MYLK: variants seen among roughly 807,000 people sequenced by gnomAD.
MYLK encodes myosin light chain kinase.
Under a neutral mutation model 203.4 loss-of-function variants are expected in MYLK, and 106 were observed. The observed-to-expected ratio is 0.52, with a 90% CI of 0.45 to 0.61. The LOEUF is 0.61. MYLK is among the 20% of genes least tolerant of loss of function. The pLI is 0.00. For missense variants in MYLK, 2,072 were observed against 2,442.3 expected (o/e 0.85, Z 3.20); for synonymous variants, 867 against 959.5 (o/e 0.90, Z 1.78).
intron 4 of MYLK, among the ~76,000 whole-genome samples, chr3:123,779,960 G>A (rs1033301644): frequency 5.3e-5 from 8 of 152,182 alleles, no homozygotes; most frequent in Admixed American, 5.2e-4. Context: ...TACAGGGACA[G>A]TGTCTTGGTT....
chr3:123,819,795 T>C (rs1170481286), intron 3 of MYLK, among the ~76,000 whole-genome samples: 2 of 148,416 alleles, frequency 1.3e-5, no homozygotes, highest in Admixed American at 6.7e-5. Flanking sequence ...TCCTTTTTTT[T>C]TTTTTTTTTT....
intron 3 of MYLK, among the ~76,000 whole-genome samples, chr3:123,797,785 C>G (rs972759257): frequency 6.6e-6 from 1 of 152,200 alleles, no homozygotes; most frequent in Non-Finnish European, 1.5e-5. Context: ...AAGGTTTGAA[C>G]GAGAGTGTAT....
chr3:123,747,312 C>G (rs2063049812), intron 5 of MYLK, among the ~76,000 whole-genome samples: 1 of 152,132 alleles, frequency 6.6e-6, no homozygotes, highest in Admixed American at 6.5e-5. Flanking sequence ...GGCTGGCCCT[C>G]TCTCTCTCAC....
rs146428453 is a variant in MYLK, at chr3:123,764,536, C to T, written c.166-11998G>A. On this transcript the variant is annotated intron_variant, in intron 4 of 33. Transcript: ENST00000360304. ...AGTACACTGAGTGAGGGAAGACCAT[C>T]GCAGGGTGGGAAGGTAAGTTGGTTA... Among the ~76,000 whole-genome samples, 61 of 152,272 alleles carry T rather than the reference C, an allele frequency of 4.0e-4. No homozygotes were observed. In the East Asian group the frequency reaches 8.7e-3, roughly 22 times the overall value.
intron 3 of MYLK, among the ~76,000 whole-genome samples, chr3:123,829,639 G>T (rs369790750): frequency 6.6e-6 from 1 of 152,034 alleles, no homozygotes. Flanking sequence ...TTGCAATGAT[G>T]GATATGCTAA....
chr3:123,659,652 C>T (rs375085903), intron 23 of MYLK: 11 of 517,454 alleles, frequency 2.1e-5, no homozygotes, highest in African/African-American at 1.9e-4. Flanking sequence ...CTATGAGCCC[C>T]ATGCAGTGGC....
At chr3:123,855,275 A>G (rs1198969801) in intron 2 of MYLK, among the ~76,000 whole-genome samples, 1 of 152,050 alleles carries the variant, frequency 6.6e-6, no homozygotes, top group Non-Finnish European at 1.5e-5. Context: ...CCGTTCTTTC[A>G]TGTTTTTGAC....
At chr3:123,682,432 G>A (rs1156392335) in intron 19 of MYLK, 122 bp from the exon 20 acceptor site, 27 of 788,400 alleles carry the variant, frequency 3.4e-5, no homozygotes, top group South Asian at 1.0e-4. Flanking sequence ...CTTTGTGCCC[G>A]CTGGGCAGAA....
In MYLK at chr3:123,612,991, C is replaced by G. The variant is rs1166350029; in HGVS notation, c.*1114G>C. 6.6e-6 allele frequency: 1 copy of G among 152,486 alleles called. No homozygotes were observed. The highest frequency in any genetic ancestry group is 6.6e-5 in the Admixed American group (1 of 15,264). 9.4% of individuals were successfully genotyped at this position (152,486 alleles called of 1,614,324 possible). The stretch of plus-strand genomic sequence containing the variant: ...AAGACGCAAGTCTGAGTGCATTTAC[C>G]AGGTCTAAGAATATATTTAAAGGTT... On this transcript the variant is annotated 3_prime_UTR_variant, in exon 34 of 34. Transcript: ENST00000360304.
At chr3:123,809,739 T>A (rs2065491320) in intron 3 of MYLK, among the ~76,000 whole-genome samples, 1 of 152,198 alleles carries the variant, frequency 6.6e-6, no homozygotes. Context: ...GTTGCCCTGC[T>A]TCTGAGACTA....
intron 11 of MYLK, among the ~76,000 whole-genome samples, chr3:123,729,031 A>C (rs1050533930): frequency 3.9e-5 from 6 of 152,202 alleles, no homozygotes; most frequent in African/African-American, 1.4e-4. Context: ...GATGTCCAGG[A>C]CTTTGAAAAG....
chr3:123,738,326 T>A (rs763530684), intron 7 of MYLK, among the ~76,000 whole-genome samples: 1 of 152,096 alleles, frequency 6.6e-6, no homozygotes, highest in Non-Finnish European at 1.5e-5. Context: ...AGTGTGAGAA[T>A]TGTCAGAACA....
Position 123,657,319 on chromosome 3 carries a change from G to T in MYLK, c.4095C>A (p.Ser1365=). 1.2e-6 allele frequency: 2 copies of T among 1,614,032 alleles called. No homozygotes were observed. Among genetic ancestry groups the T allele is most frequent in the Non-Finnish European group, 1.7e-6 (2 of 1,179,964 alleles). Residue 1365 remains serine, a synonymous_variant, in exon 24 of 34, where the codon TCC becomes TCA. Transcript: ENST00000360304. ...CTGAGTCCCAGATCTCGATGCTGTA[G>T]GACTGTACAGCACTGCCCCCATCAT... is the stretch of plus-strand genomic sequence containing the variant. ...SSYDGGSAVQ[S]YSIEIWDSAN... is the part of the protein sequence containing the mutation.
intron 13 of MYLK, among the ~76,000 whole-genome samples, chr3:123,720,449 G>T (rs191249871): frequency 6.6e-6 from 1 of 152,136 alleles, no homozygotes; most frequent in Admixed American, 6.5e-5. Context: ...GCGGCTCTAC[G>T]TGTAGCATTC....
rs1352862133 is a variant in MYLK, at chr3:123,712,282, CG to C, written c.1805-2390del. The stretch of plus-strand genomic sequence containing the variant: ...CAGCAGTCAGGAGAGCTGGCTGCCT[CG>C]GGAGAGTTGAGGAATTTCCTGTCTT... On this transcript the variant is annotated intron_variant, in intron 13 of 33. Transcript: ENST00000360304. 3.9e-5 allele frequency among the ~76,000 whole-genome samples: 6 copies of C among 152,316 alleles called. No homozygotes were observed. The East Asian group carries it at 1.2e-3, about 29-fold the overall frequency.
At chr3:123,615,834 A>AGAT (rs1000541153) in intron 33 of MYLK, among the ~76,000 whole-genome samples, 4 of 151,184 alleles carry the variant, frequency 2.6e-5, no homozygotes, top group East Asian at 2.0e-4. Context: ...TTTTTTGTAG[A>AGAT]GATAGGGTTT....
At position 123,611,596 on chromosome 3, in the gene MYLK, G is replaced by A. The variant is rs2057247582; in HGVS notation, c.*2509C>T. 1 of 152,182 alleles carries A rather than the reference G, an allele frequency of 6.6e-6. No homozygotes were observed. The highest frequency in any genetic ancestry group is 1.5e-5 in the Non-Finnish European group (1 of 68,100). 9.4% of individuals were successfully genotyped at this position (152,182 alleles called of 1,614,324 possible). A position where few individuals can be genotyped will look rare whatever the true frequency, so the allele number is the denominator to read the frequency against. On this transcript the variant is annotated 3_prime_UTR_variant, in exon 34 of 34. Transcript: ENST00000360304. The stretch of plus-strand genomic sequence containing the variant: ...GACAGTTTTTCCATGGACCAGGAGA[G>A]GGGGTGGTTTTGGGATTATTCAAGC...
Position 123,734,173 on chromosome 3 carries a change from C to T in MYLK, c.823G>A (p.Val275Met), listed in dbSNP as rs769572072. 1 of 1,556,572 alleles carries T rather than the reference C, an allele frequency of 6.4e-7. No homozygotes were observed. The highest frequency in any genetic ancestry group is 1.9e-5 in the Admixed American group (1 of 53,222). Residue 275 changes from valine (V) to methionine (M), a missense_variant, in exon 10 of 34, where the codon GTG (valine) becomes ATG (methionine). By Grantham distance (21) the Val-to-Met change is conservative. This residue lies in a region of MYLK where 683 missense variants were observed against 643.8 expected (regional missense o/e 1.06). Coordinates refer to ENST00000360304, the MANE Select transcript of MYLK (RefSeq NM_053025.4). ...KATNSDVRKEVTNVISKESKL... is the reference protein window; with the variant it reads ...KATNSDVRKEMTNVISKESKL... ...GACTCCTTTGAGATTACATTGGTCA[C>T]CTCTTTCCTGACATCTGAATTGGTG...
At chr3:123,653,151 C>G (rs1278241635) in intron 24 of MYLK, among the ~76,000 whole-genome samples, 1 of 152,018 alleles carries the variant, frequency 6.6e-6, no homozygotes, top group African/African-American at 2.4e-5. Context: ...GTGGGTTAAT[C>G]AGCACTGCCT....
Sources: allele counts gnomAD v4.1 joint callset (sites outside exome capture counted in the v4.1 genomes callset), GRCh38; gene constraint gnomAD v4.1.1; regional missense constraint gnomAD v4.1.1; transcripts MANE v1.5; gene names NCBI Gene and HGNC (gene_info 2026-07-23, HGNC 2026-07-21).